Variants in PAX7 observed in about 807,000 individuals in gnomAD.
PAX7 encodes paired box protein Pax-7.
In PAX7, 18 loss-of-function variants were observed where a neutral mutation model predicts 50.7. The observed-to-expected ratio is 0.36, with a 90% confidence interval of 0.25 to 0.53. The LOEUF (loss-of-function observed/expected upper bound fraction) is 0.53. Among genes scored for constraint, PAX7 ranks in the 20% least tolerant of loss-of-function variants. The pLI, the probability that PAX7 is intolerant of heterozygous loss-of-function variation, is 0.93. For missense variants in PAX7, 644 were observed against 702.9 expected, an observed-to-expected ratio of 0.92 and a Z score of 0.95; for synonymous variants, 310 against 290.4, an observed-to-expected ratio of 1.07 and a Z score of -0.69.
At chr1:18,712,453 C>A (rs925650401) in intron 7 of PAX7, among the ~76,000 whole-genome samples, 1 of 152,204 alleles carries the variant, frequency 6.6e-6, no homozygotes, top group African/African-American at 2.4e-5. Context: ...CCTTTCCTAC[C>A]CCTTTTTCCT....
chr1:18,662,712 A>G (rs2088617486), intron 4 of PAX7, among the ~76,000 whole-genome samples: 1 of 152,132 alleles, frequency 6.6e-6, no homozygotes, highest in African/African-American at 2.4e-5. Flanking sequence ...CTGGGGTTAC[A>G]GGGACACGCC....
intron 4 of PAX7, among the ~76,000 whole-genome samples, chr1:18,676,396 A>T: frequency 7.7e-6 from 1 of 129,670 alleles, no homozygotes; most frequent in South Asian, 2.7e-4. Flanking sequence ...TGCTGGGGAG[A>T]GAGGGTGGGG....
In PAX7 at chr1:18,732,537, C is replaced by T. The variant is rs555166171; in HGVS notation, c.1156-3095C>T. 5.4e-4 allele frequency among the ~76,000 whole-genome samples: 82 copies of T among 152,252 alleles called. No individual in the cohort carries two copies. The South Asian group carries it at 0.016, about 30-fold the overall frequency. On this transcript the variant is annotated intron_variant, in intron 7 of 8. Transcript: ENST00000420770. ...CTATGAAATGCTTGTTGGACGAATA[C>T]GTGAATGAATGAAGGATATCTTCAA...
intron 4 of PAX7, among the ~76,000 whole-genome samples, chr1:18,675,327 A>G (rs1314225450): frequency 6.6e-6 from 1 of 152,160 alleles, no homozygotes; most frequent in Admixed American, 6.5e-5. Context: ...CAACTCTGAC[A>G]GCAACAGAAC....
intron 4 of PAX7, among the ~76,000 whole-genome samples, chr1:18,640,058 A>G (rs955704395): frequency 2.0e-5 from 3 of 151,016 alleles, no homozygotes; most frequent in Non-Finnish European, 4.4e-5. Context: ...GGTGTGAAAG[A>G]CCATCTGAGG....
intron 4 of PAX7, among the ~76,000 whole-genome samples, chr1:18,657,516 C>T (rs550909735): frequency 2.6e-4 from 39 of 152,302 alleles, no homozygotes; most frequent in Admixed American, 1.9e-3. Flanking sequence ...TGCTTTCTGT[C>T]ACTCTTTCCT....
intron 4 of PAX7, among the ~76,000 whole-genome samples, chr1:18,678,930 T>C (rs1170111984): frequency 6.6e-6 from 1 of 152,222 alleles, no homozygotes; most frequent in African/African-American, 2.4e-5. Flanking sequence ...ACTGGCTGCC[T>C]GGCCGTCACG....
intron 4 of PAX7, among the ~76,000 whole-genome samples, chr1:18,678,350 G>A (rs2088853281): frequency 6.6e-6 from 1 of 152,096 alleles, no homozygotes. Context: ...AGTGAGCCGA[G>A]ATTGTGCCAT....
intron 4 of PAX7, among the ~76,000 whole-genome samples, chr1:18,644,338 A>G (rs1006135263): frequency 2.0e-5 from 3 of 152,314 alleles, no homozygotes; most frequent in South Asian, 2.1e-4. Flanking sequence ...CTCACTAGCG[A>G]TATCACTCTA....
At position 18,681,553 on chromosome 1, in the gene PAX7, A is replaced by G. The variant is rs541288697; in HGVS notation, c.587-10201A>G. ...CTTCCTAGAAAGGCTCTTTCCTGGC[A>G]GGAATGTATACACAGTGCCCTCTAG... On this transcript the variant is annotated intron_variant, in intron 4 of 8. Coordinates refer to ENST00000420770, the MANE Select transcript of PAX7 (RefSeq NM_001135254.2). 3.9e-5 allele frequency among the ~76,000 whole-genome samples: 6 copies of G among 152,276 alleles called. No homozygotes were observed. In the East Asian group the frequency reaches 1.2e-3, roughly 29 times the overall value.
intron 4 of PAX7, among the ~76,000 whole-genome samples, chr1:18,655,414 C>T (rs190467386): frequency 1.1e-3 from 161 of 152,220 alleles, no homozygotes; most frequent in African/African-American, 3.7e-3. Flanking sequence ...AAAGTCCAGC[C>T]GAAGGGGGCC....
intron 8 of PAX7, among the ~76,000 whole-genome samples, chr1:18,741,557 C>A (rs1931137239): frequency 6.6e-6 from 1 of 152,128 alleles, no homozygotes; most frequent in African/African-American, 2.4e-5. Context: ...ATGCACGTAG[C>A]AAAACATCAG....
chr1:18,635,402 G>A (rs2088134755), intron 3 of PAX7, among the ~76,000 whole-genome samples, 162 bp downstream of exon 3: 1 of 151,844 alleles, frequency 6.6e-6, no homozygotes, highest in Non-Finnish European at 1.5e-5. Context: ...TAAGGCATAG[G>A]AGTAAATCAA....
rs749437529 is a variant in PAX7 at position 18,705,512 on chromosome 1, G to A, written c.1155+2216G>A. ...GCCAGGCCAGGGTTGACAATCCGGC[G>A]CACCTGACTCCATGACCACTGCTTT... On this transcript the variant is annotated intron_variant, in intron 7 of 8. Transcript: ENST00000420770. Among the ~76,000 whole-genome samples the A allele has an allele frequency of 1.1e-4, 16 of 152,144 alleles. No individual in the cohort carries two copies. In the East Asian group the frequency reaches 1.4e-3, roughly 13 times the overall value.
At chr1:18,711,506 A>T (rs889057820) in intron 7 of PAX7, among the ~76,000 whole-genome samples, 3 of 151,942 alleles carry the variant, frequency 2.0e-5, no homozygotes, top group African/African-American at 7.3e-5. Flanking sequence ...TTGGTTTCCT[A>T]TCCAGGGCAA....
chr1:18,724,979 G>C, intron 7 of PAX7, among the ~76,000 whole-genome samples: 1 of 152,190 alleles, frequency 6.6e-6, no homozygotes, highest in Non-Finnish European at 1.5e-5. Flanking sequence ...AGGAGGGGCT[G>C]GCAGTCCGCC....
rs1366015530 is a variant in PAX7 at position 18,745,755 on chromosome 1, A to G, written c.*826A>G. 7.8e-5 allele frequency: 18 copies of G among 231,596 alleles called. No homozygotes were observed. The East Asian group carries it at 9.2e-4, about 12-fold the overall frequency. 14.3% of individuals were successfully genotyped at this position (231,596 alleles called of 1,614,324 possible). A position where few individuals can be genotyped will look rare whatever the true frequency, so the allele number is the denominator to read the frequency against. ...CCCAAGTTCCCAGCATGTCCACTCC[A>G]TCTGGGGCCTGGGGAGCCCACAGAA... On this transcript the variant is annotated 3_prime_UTR_variant, in exon 9 of 9. Coordinates refer to ENST00000420770, the MANE Select transcript of PAX7 (RefSeq NM_001135254.2).
rs184195215 is a variant in PAX7, at chr1:18,712,276, C to T, written c.1155+8980C>T. Among the ~76,000 whole-genome samples, 18 of 152,324 alleles carry T rather than the reference C, an allele frequency of 1.2e-4. 1 individual carries two copies. Among genetic ancestry groups the T allele is most frequent in the Admixed American group, 6.5e-4 (10 of 15,306 alleles). On this transcript the variant is annotated intron_variant, in intron 7 of 8. Coordinates refer to ENST00000420770, the MANE Select transcript of PAX7 (RefSeq NM_001135254.2). ...TCACATCCAGCTCCATCTTTGTCCA[C>T]AGTTAACCCACCTCAGTGGGAAACG...
intron 4 of PAX7, among the ~76,000 whole-genome samples, chr1:18,645,476 A>G (rs1037202184): frequency 3.3e-5 from 5 of 152,216 alleles, no homozygotes; most frequent in Non-Finnish European, 7.3e-5. Flanking sequence ...CAGACCCTAC[A>G]GAACCTCACC....
Sources: allele counts gnomAD v4.1 joint callset (sites outside exome capture counted in the v4.1 genomes callset), GRCh38; gene constraint gnomAD v4.1.1; transcripts MANE v1.5; gene names NCBI Gene and HGNC (gene_info 2026-07-23, HGNC 2026-07-21).